STAT4: variants seen among roughly 807,000 people sequenced by gnomAD.
The protein encoded by STAT4 is signal transducer and activator of transcription 4.
Under a neutral mutation model 110.5 loss-of-function variants are expected in STAT4, and 42 were observed. The ratio of observed to expected loss-of-function variants is 0.38; its 90% CI spans 0.30 to 0.49. The LOEUF (loss-of-function observed/expected upper bound fraction) is 0.49, where lower values mean the gene tolerates loss of function less well. STAT4 is among the 20% of genes least tolerant of loss of function. The probability of loss-of-function intolerance (pLI) is 0.95; values close to 1 mark genes in which losing one functional copy is unlikely to be tolerated. For synonymous variants in STAT4, 284 were observed against 302.2 expected, an observed-to-expected ratio of 0.94 and a Z score of 0.63; for missense variants, 632 against 887.9, an observed-to-expected ratio of 0.71 and a Z score of 3.66.
At chr2:191,096,585 A>T (rs1697989331) in intron 3 of STAT4, among the ~76,000 whole-genome samples, 2 of 152,080 alleles carry the variant, frequency 1.3e-5, no homozygotes, top group South Asian at 4.1e-4. Context: ...CATGTGAAAA[A>T]CTCTCAATAA....
In STAT4 at chr2:191,058,788, A is replaced by T; in HGVS notation, c.1035-19T>A. ...TAGTAGCCTGGAAAGAGATATCAATAAAAAAAATCAAAGATAAAAATTAAA... is the reference window on the plus strand; with the variant it reads ...TAGTAGCCTGGAAAGAGATATCAATTAAAAAAATCAAAGATAAAAATTAAA... On this transcript the variant is annotated intron_variant, in intron 10 of 23. Coordinates refer to ENST00000392320, the MANE Select transcript of STAT4 (RefSeq NM_003151.4). This position sits in a 1 kb window ranked among gnomAD's most constrained non-coding sequence, Gnocchi z 4.3. 6.9e-7 allele frequency: 1 copy of T among 1,449,054 alleles called. No homozygotes were observed. The highest frequency in any genetic ancestry group is 1.4e-5 in the African/African-American group (1 of 70,764). The allele number at this position is 1,449,054 out of a possible 1,614,324, so 89.8% of individuals were successfully genotyped here. A position where few individuals can be genotyped will look rare whatever the true frequency, so the allele number is the denominator to read the frequency against.
In STAT4 at chr2:191,060,169, A is replaced by T. The variant is rs1418067806; in HGVS notation, c.1035-1400T>A. ...GTCCCTGGCCATCAGTTCACACAAC[A>T]TGCAAGTGGTGCTGATTCAGAGTGC... On this transcript the variant is annotated intron_variant, in intron 10 of 23. Transcript: ENST00000392320. The surrounding 1 kb of genome is among the most constrained non-coding windows in gnomAD (Gnocchi z 4.5). Among the ~76,000 whole-genome samples, 1 of 152,174 alleles carries T rather than the reference A, an allele frequency of 6.6e-6. No homozygotes were observed. The highest frequency in any genetic ancestry group is 2.4e-5 in the African/African-American group (1 of 41,438).
intron 3 of STAT4, among the ~76,000 whole-genome samples, chr2:191,126,218 A>T (rs1158825340): frequency 6.6e-6 from 1 of 152,180 alleles, no homozygotes; most frequent in East Asian, 1.9e-4. Flanking sequence ...TTATATTAAA[A>T]TATGTTAGAG....
rs368134591 is a variant in STAT4, at chr2:191,032,989, G to A, written c.2013C>T (p.Phe671=). 51 of 1,613,956 alleles carry A rather than the reference G, an allele frequency of 3.2e-5. 1 individual carries two copies. The highest frequency in any genetic ancestry group is 2.1e-4 in the South Asian group (19 of 91,082). ...LYPDIPKDKA[F]GKHYSSQPCE... is the part of the protein sequence containing the mutation. ...AAGGCTGAGAGCTGTAGTGTTTACC[G>A]AAGGCTTTGTCTTTGGGAATGTCAG... Residue 671 remains phenylalanine, a synonymous_variant, in exon 21 of 24, where the codon TTC becomes TTT. Transcript: ENST00000392320. This position sits in a 1 kb window ranked among gnomAD's most constrained non-coding sequence, Gnocchi z 4.9.
At chr2:191,079,055 C>G (rs2125276160) in intron 3 of STAT4, among the ~76,000 whole-genome samples, 1 of 152,144 alleles carries the variant, frequency 6.6e-6, no homozygotes, top group African/African-American at 2.4e-5. Flanking sequence ...TGTCATAAAT[C>G]AAGTGTTCCT....
chr2:191,057,228 T>C (rs1696723561), intron 13 of STAT4, among the ~76,000 whole-genome samples: 2 of 152,248 alleles, frequency 1.3e-5, no homozygotes, highest in African/African-American at 4.8e-5. Context: ...CTAAGAGATC[T>C]ACTTTTTTAG....
At chr2:191,073,932 TA>T (rs1461897247) in intron 4 of STAT4, among the ~76,000 whole-genome samples, 2 of 152,232 alleles carry the variant, frequency 1.3e-5, no homozygotes, top group Non-Finnish European at 2.9e-5. Context: ...ATTTTGTCTC[TA>T]ATTCTCTATA....
intron 3 of STAT4, among the ~76,000 whole-genome samples, chr2:191,145,417 T>C (rs1353444161): frequency 6.6e-6 from 1 of 152,236 alleles, no homozygotes; most frequent in East Asian, 1.9e-4. Flanking sequence ...CCTTTTGACT[T>C]GTGGGCCATG....
intron 13 of STAT4, among the ~76,000 whole-genome samples, chr2:191,054,966 T>C (rs1274158945): frequency 1.3e-5 from 2 of 152,124 alleles, no homozygotes; most frequent in African/African-American, 2.4e-5. Flanking sequence ...TAGTAAGCTA[T>C]TAAATGACAT....
rs1384278417 is a variant in STAT4, at chr2:191,042,535, T to A, written c.1252-1387A>T. Reference sequence around the variant, plus strand: ...ATTTGAACAAAAAATAGGATTTTATTAAGGAAGCATTTTAAAAAAATTATT... The same window carrying A: ...ATTTGAACAAAAAATAGGATTTTATAAAGGAAGCATTTTAAAAAAATTATT... On this transcript the variant is annotated intron_variant, in intron 14 of 23. Transcript: ENST00000392320. This position sits in a 1 kb window ranked among gnomAD's most constrained non-coding sequence, Gnocchi z 4.2. Among the ~76,000 whole-genome samples, 2 of 152,114 alleles carry A rather than the reference T, an allele frequency of 1.3e-5. No homozygotes were observed. The highest frequency in any genetic ancestry group is 4.8e-5 in the African/African-American group (2 of 41,426).
intron 3 of STAT4, among the ~76,000 whole-genome samples, chr2:191,137,094 G>A (rs1349784923): frequency 6.6e-6 from 1 of 152,194 alleles, no homozygotes; most frequent in Non-Finnish European, 1.5e-5. Flanking sequence ...TGTAATCCCA[G>A]GACTTTGGGA....
intron 4 of STAT4, among the ~76,000 whole-genome samples, chr2:191,074,909 C>T (rs533874818): frequency 6.6e-6 from 1 of 152,078 alleles, no homozygotes; most frequent in East Asian, 1.9e-4. Flanking sequence ...ACCTGTAATC[C>T]CAGCACTTTG....
At position 191,142,798 on chromosome 2, in the gene STAT4, G is replaced by C. The variant is rs1699370551; in HGVS notation, c.273+3815C>G. On this transcript the variant is annotated intron_variant, in intron 3 of 23. Transcript: ENST00000392320. The surrounding 1 kb of genome is among the most constrained non-coding windows in gnomAD (Gnocchi z 4.1). ...AATCCAGAGAGTGAAAAGATCGGTAGTGTTCAGGGGCTCCGTGGGAAGCGA... is the reference window on the plus strand; with the variant it reads ...AATCCAGAGAGTGAAAAGATCGGTACTGTTCAGGGGCTCCGTGGGAAGCGA... Among the ~76,000 whole-genome samples the C allele has an allele frequency of 6.6e-6, 1 of 152,180 alleles. No homozygotes were observed. The highest frequency in any genetic ancestry group is 1.5e-5 in the Non-Finnish European group (1 of 68,026).
intron 3 of STAT4, among the ~76,000 whole-genome samples, chr2:191,078,644 A>G (rs2125275176): frequency 6.6e-6 from 1 of 152,314 alleles, no homozygotes; most frequent in Middle Eastern, 3.4e-3. Context: ...CAAAATAACA[A>G]TAAAACAAAC....
intron 3 of STAT4, among the ~76,000 whole-genome samples, chr2:191,122,547 A>G (rs1161937501): frequency 6.6e-6 from 1 of 152,226 alleles, no homozygotes; most frequent in Non-Finnish European, 1.5e-5. Context: ...ACTAAAAGTT[A>G]CAAACAAAAA....
At position 191,091,308 on chromosome 2, in the gene STAT4, G is replaced by C. The variant is rs1697791574; in HGVS notation, c.274-14983C>G. ...ATCTAGAGCTAGAAATAAAAAATAA[G>C]AAATAGAAAATAGATTCAAAATAAG... On this transcript the variant is annotated intron_variant, in intron 3 of 23. Transcript: ENST00000392320. The surrounding 1 kb of genome is among the most constrained non-coding windows in gnomAD (Gnocchi z 5.4). 6.6e-6 allele frequency among the ~76,000 whole-genome samples: 1 copy of C among 151,772 alleles called. No homozygotes were observed. The highest frequency in any genetic ancestry group is 6.6e-5 in the Admixed American group (1 of 15,234).
At chr2:191,098,308 G>A (rs1372684705) in intron 3 of STAT4, among the ~76,000 whole-genome samples, 1 of 152,200 alleles carries the variant, frequency 6.6e-6, no homozygotes, top group Non-Finnish European at 1.5e-5. Context: ...AAAGACACAT[G>A]CACACGTGTG....
At chr2:191,131,467 A>G in intron 3 of STAT4, 1 of 170,444 alleles carries the variant, frequency 5.9e-6, no homozygotes, top group East Asian at 1.5e-4. Flanking sequence ...TTGCTGAAGT[A>G]TAAATATAGT....
At chr2:191,109,623 C>T (rs1698373676) in intron 3 of STAT4, among the ~76,000 whole-genome samples, 1 of 152,156 alleles carries the variant, frequency 6.6e-6, no homozygotes, top group Non-Finnish European at 1.5e-5. Flanking sequence ...CAAAGCCCCT[C>T]CAGAAGGCTT....
Sources: gnomAD v4.1 joint callset for allele counts (sites outside exome capture counted in the v4.1 genomes callset) on GRCh38, gnomAD v4.1.1 for gene constraint, Gnocchi (gnomAD v3.1) non-coding constraint, MANE v1.5 for transcripts, NCBI Gene and HGNC (gene_info 2026-07-23, HGNC 2026-07-21) for gene names.